PPP1R42: variants seen among roughly 807,000 people sequenced by gnomAD.
The protein encoded by PPP1R42 is protein phosphatase 1 regulatory subunit 42, also known as leucine rich repeat containing 67.
In PPP1R42, 34 loss-of-function variants were observed where a neutral mutation model predicts 31.0. The ratio of observed to expected loss-of-function variants is 1.10; its 90% CI spans 0.83 to 1.46. The LOEUF (loss-of-function observed/expected upper bound fraction) is 1.46, where lower values mean the gene tolerates loss of function less well. Among genes scored for constraint, PPP1R42 ranks in the 40% most tolerant of loss-of-function variants. PPP1R42 has a pLI of 0.00. For missense variants in PPP1R42, 268 were observed against 303.0 expected (o/e 0.88, Z 0.86); for synonymous variants, 103 against 109.8 (o/e 0.94, Z 0.39).
At chr8:66,974,402 A>C (rs750009987) in intron 7 of PPP1R42, among the ~76,000 whole-genome samples, 7 of 152,098 alleles carry the variant, frequency 4.6e-5, no homozygotes, top group Non-Finnish European at 8.8e-5. Context: ...TGAAATTGCA[A>C]AATTAGCCGG....
intron 5 of PPP1R42, among the ~76,000 whole-genome samples, chr8:66,995,520 GC>G (rs535238628): frequency 2.6e-4 from 40 of 152,188 alleles, no homozygotes; most frequent in Non-Finnish European, 4.7e-4. Context: ...ATTTTTTTGT[GC>G]CCTTCTTCAT....
intron 2 of PPP1R42, among the ~76,000 whole-genome samples, chr8:67,016,859 C>T (rs1295119228): frequency 6.6e-6 from 1 of 152,172 alleles, no homozygotes; most frequent in Non-Finnish European, 1.5e-5. Context: ...CATCCCCTTC[C>T]CAACCTTCCC....
chr8:66,991,466 G>A (rs892182453), intron 5 of PPP1R42, among the ~76,000 whole-genome samples: 5 of 152,170 alleles, frequency 3.3e-5, no homozygotes, highest in Non-Finnish European at 5.9e-5. Context: ...GTAAGTTAAA[G>A]GAGTTTCTAC....
intron 5 of PPP1R42, among the ~76,000 whole-genome samples, chr8:66,999,758 G>A (rs998131529): frequency 1.3e-5 from 2 of 152,218 alleles, no homozygotes; most frequent in Non-Finnish European, 2.9e-5. Flanking sequence ...TTCTCTTTGC[G>A]GTGAGGTTTT....
At chr8:66,981,919 T>A (rs1814853066) in intron 7 of PPP1R42, 130 bp downstream of exon 7, 1 of 1,002,376 alleles carries the variant, frequency 1.0e-6, no homozygotes, top group Admixed American at 4.1e-5. Context: ...AAATAAGTTT[T>A]AAAAAACCCC....
intron 7 of PPP1R42, chr8:66,970,905 T>C (rs1368438933): frequency 9.3e-7 from 1 of 1,078,634 alleles, no homozygotes; most frequent in East Asian, 2.6e-5. Flanking sequence ...ATGGCCTCTG[T>C]TCCTCTTTGT....
intron 6 of PPP1R42, among the ~76,000 whole-genome samples, chr8:66,983,504 A>AT (rs940297915): frequency 2.0e-5 from 3 of 151,808 alleles, no homozygotes; most frequent in African/African-American, 7.3e-5. Flanking sequence ...TGCTTGATAG[A>AT]TTTTTTCTAA....
At chr8:66,997,509 G>T (rs1815366193) in intron 5 of PPP1R42, among the ~76,000 whole-genome samples, 2 of 149,702 alleles carry the variant, frequency 1.3e-5, no homozygotes, top group African/African-American at 4.9e-5. Flanking sequence ...CTCCCAGAGA[G>T]CTAGGATTAC....
chr8:67,004,457 T>C (rs1000501950), intron 5 of PPP1R42, among the ~76,000 whole-genome samples: 2 of 152,250 alleles, frequency 1.3e-5, no homozygotes, highest in Non-Finnish European at 2.9e-5. Flanking sequence ...ATTAATTCTT[T>C]AAGTTTCTTT....
At chr8:66,997,752 A>G (rs965261199) in intron 5 of PPP1R42, among the ~76,000 whole-genome samples, 10 of 151,244 alleles carry the variant, frequency 6.6e-5, no homozygotes, top group South Asian at 4.2e-4. Context: ...GGGTCTTGCT[A>G]TATTGCCCAG....
rs565042348 is a variant in PPP1R42, at chr8:67,000,738, G to A, written c.552+9977C>T. Among the ~76,000 whole-genome samples the A allele has an allele frequency of 2.0e-5, 3 of 152,298 alleles. No individual in the cohort carries two copies. The East Asian group carries it at 5.8e-4, about 29-fold the overall frequency. On this transcript the variant is annotated intron_variant, in intron 5 of 7. Coordinates refer to ENST00000685739, the MANE Select transcript of PPP1R42 (RefSeq NM_001364910.1). ...CTCCCAAAGTGATAGTATTAGAGGC[G>A]TGAGCCACTGCACCCAGCTCTAAAT...
chr8:66,995,302 A>G (rs1399993995), intron 5 of PPP1R42, among the ~76,000 whole-genome samples: 5 of 152,246 alleles, frequency 3.3e-5, no homozygotes, highest in East Asian at 1.9e-4. Flanking sequence ...GCACATTTCA[A>G]ACATATCCTG....
chr8:66,993,320 G>A (rs891844925), intron 5 of PPP1R42, among the ~76,000 whole-genome samples: 8 of 152,030 alleles, frequency 5.3e-5, no homozygotes, highest in Non-Finnish European at 1.0e-4. Flanking sequence ...TTTTCAAACC[G>A]CTAATCTCCA....
Position 67,014,484 on chromosome 8 carries a change from G to T in PPP1R42, c.238C>A (p.Gln80Lys). 1.3e-6 allele frequency: 2 copies of T among 1,591,158 alleles called. No individual in the cohort carries two copies. The highest frequency in any genetic ancestry group is 1.7e-6 in the Non-Finnish European group (2 of 1,167,566). Reference protein sequence around the residue: ...YATNLTHLYLQNNCISCIENL... With the variant: ...YATNLTHLYLKNNCISCIENL... ...TCTATACATGAAATACAATTGTTTTGTAGGTACAAGTGGGTCAGATTTGTG... is the reference window on the plus strand; with the variant it reads ...TCTATACATGAAATACAATTGTTTTTTAGGTACAAGTGGGTCAGATTTGTG... Residue 80 changes from glutamine (Q) to lysine (K), a missense_variant, in exon 3 of 8, where the codon CAA (glutamine) becomes AAA (lysine). Transcript: ENST00000685739.
chr8:66,978,185 A>G (rs1814730976), intron 7 of PPP1R42, among the ~76,000 whole-genome samples: 1 of 152,202 alleles, frequency 6.6e-6, no homozygotes. Context: ...CAATCATGGC[A>G]GAAGGCAAAA....
At chr8:66,984,300 G>A in intron 6 of PPP1R42, 1 of 1,346,060 alleles carries the variant, frequency 7.4e-7, no homozygotes, top group Non-Finnish European at 1.1e-6. Flanking sequence ...GTACACATTT[G>A]TTGGTTTTCT....
chr8:66,978,939 CT>C (rs1814751090), intron 7 of PPP1R42, among the ~76,000 whole-genome samples: 1 of 152,036 alleles, frequency 6.6e-6, no homozygotes, highest in Non-Finnish European at 1.5e-5. Flanking sequence ...GTTTCAGTTT[CT>C]TGTATATTCT....
chr8:67,012,304 C>A (rs1815865542), intron 4 of PPP1R42, among the ~76,000 whole-genome samples: 2 of 152,096 alleles, frequency 1.3e-5, no homozygotes, highest in Admixed American at 1.3e-4. Flanking sequence ...ATTTATGTGT[C>A]CTGCCCCAGA....
At chr8:66,999,430 AG>A (rs762343408) in intron 5 of PPP1R42, among the ~76,000 whole-genome samples, 12 of 152,330 alleles carry the variant, frequency 7.9e-5, no homozygotes, top group Middle Eastern at 6.8e-3. Context: ...CACATTGGTC[AG>A]GCTAGCCTCG....
Sources: gnomAD v4.1 joint callset for allele counts (sites outside exome capture counted in the v4.1 genomes callset) on GRCh38, gnomAD v4.1.1 for gene constraint, MANE v1.5 for transcripts, NCBI Gene and HGNC (gene_info 2026-07-23, HGNC 2026-07-21) for gene names.